Variants in AGBL4 observed in about 807,000 individuals in gnomAD.
The protein encoded by AGBL4 is AGBL carboxypeptidase 4.
Under a neutral mutation model 66.4 loss-of-function variants are expected in AGBL4, and 58 were observed. The observed-to-expected ratio is 0.87, with a 90% CI of 0.71 to 1.09. The LOEUF (loss-of-function observed/expected upper bound fraction) is 1.09. Among genes scored for constraint, AGBL4 ranks in the 50% least tolerant of loss-of-function variants. The pLI, the probability that AGBL4 is intolerant of heterozygous loss-of-function variation, is 0.00. For missense variants in AGBL4, 579 were observed against 631.0 expected (o/e 0.92, Z 0.88); for synonymous variants, 234 against 222.9 (o/e 1.05, Z -0.44).
intron 2 of AGBL4, among the ~76,000 whole-genome samples, chr1:49,831,957 C>T (rs1645694931): frequency 6.6e-6 from 1 of 151,628 alleles, no homozygotes; most frequent in South Asian, 2.1e-4. Flanking sequence ...AGGGATGAAG[C>T]TGACTAGATC....
At chr1:49,118,728 G>T (rs1645586125) in intron 4 of AGBL4, among the ~76,000 whole-genome samples, 1 of 152,164 alleles carries the variant, frequency 6.6e-6, no homozygotes, top group South Asian at 2.1e-4. Context: ...AGTTAGGGAG[G>T]ATTCCCTCTT....
chr1:49,003,781 C>G (rs1295300528), intron 5 of AGBL4, among the ~76,000 whole-genome samples: 2 of 152,168 alleles, frequency 1.3e-5, no homozygotes, highest in Non-Finnish European at 2.9e-5. Flanking sequence ...TATTTAGATA[C>G]TAGTTCTGTT....
intron 3 of AGBL4, among the ~76,000 whole-genome samples, chr1:49,335,555 G>A (rs1411065994): frequency 1.3e-5 from 2 of 150,088 alleles, no homozygotes; most frequent in Non-Finnish European, 3.0e-5. Context: ...TCGCTCTGTT[G>A]CCCAGCCTGG....
chr1:49,692,650 G>A (rs1479060848), intron 3 of AGBL4, among the ~76,000 whole-genome samples: 3 of 151,626 alleles, frequency 2.0e-5, no homozygotes, highest in Non-Finnish European at 4.4e-5. Context: ...ACTGGGAGGC[G>A]GAGCTTGCAG....
intron 4 of AGBL4, among the ~76,000 whole-genome samples, chr1:49,113,617 C>G (rs1645458059): frequency 6.6e-6 from 1 of 152,160 alleles, no homozygotes; most frequent in South Asian, 2.1e-4. Flanking sequence ...TTTACTTTAC[C>G]TAGACCCATC....
intron 3 of AGBL4, among the ~76,000 whole-genome samples, chr1:49,448,195 A>G (rs879361392): frequency 2.0e-5 from 3 of 152,218 alleles, no homozygotes; most frequent in Non-Finnish European, 4.4e-5. Flanking sequence ...CATATGACAG[A>G]AAGCCAACTA....
chr1:49,457,823 TC>T (rs1173762822), intron 3 of AGBL4, among the ~76,000 whole-genome samples: 1 of 151,814 alleles, frequency 6.6e-6, no homozygotes, highest in Non-Finnish European at 1.5e-5. Flanking sequence ...GGGTGTCCTT[TC>T]CCCACTTTAT....
chr1:48,552,104 C>A (rs549022666), intron 11 of AGBL4, among the ~76,000 whole-genome samples: 2 of 152,294 alleles, frequency 1.3e-5, no homozygotes, highest in South Asian at 4.2e-4. Context: ...TGCTCTGTCG[C>A]TCAGGCTGGA....
intron 1 of AGBL4, among the ~76,000 whole-genome samples, chr1:49,935,602 G>A (rs1653907563): frequency 6.6e-6 from 1 of 152,176 alleles, no homozygotes; most frequent in African/African-American, 2.4e-5. Flanking sequence ...GGGGCAGACT[G>A]ACACCTCACA....
intron 1 of AGBL4, among the ~76,000 whole-genome samples, chr1:49,953,704 A>G (rs926885699): frequency 1.3e-5 from 2 of 149,894 alleles, no homozygotes; most frequent in Admixed American, 1.3e-4. Context: ...CCAAACTCCA[A>G]AAAAAAAAAT....
At position 49,818,722 on chromosome 1, in the gene AGBL4, T is replaced by C. The variant is rs140305370; in HGVS notation, c.157+32674A>G. 1.3e-3 allele frequency among the ~76,000 whole-genome samples: 191 copies of C among 152,268 alleles called. 2 individuals carry two copies. The Middle Eastern group carries it at 0.017, about 14-fold the overall frequency. On this transcript the variant is annotated intron_variant, in intron 2 of 13. Transcript: ENST00000371839. ...ATATGGTCTGTGTGTGATATACATA[T>C]AAATCATCCAATCCCCAAAACACAG...
intron 4 of AGBL4, among the ~76,000 whole-genome samples, chr1:49,195,068 C>T (rs1457185773): frequency 1.3e-5 from 2 of 151,988 alleles, no homozygotes; most frequent in Non-Finnish European, 2.9e-5. Flanking sequence ...TATTGAATTC[C>T]TAGCTTCAAG....
intron 3 of AGBL4, among the ~76,000 whole-genome samples, chr1:49,559,634 C>T (rs1643986028): frequency 6.6e-6 from 1 of 152,116 alleles, no homozygotes; most frequent in Admixed American, 6.5e-5. Flanking sequence ...TGACTTTGAT[C>T]CTTCTACTGT....
intron 5 of AGBL4, among the ~76,000 whole-genome samples, chr1:48,942,313 G>T (rs56340330): frequency 0.26 from 19,995 of 76,346 alleles, 2,147 homozygotes; most frequent in African/African-American, 0.33. Context: ...ATTGTGGTGG[G>T]GGGGGGGGGT....
chr1:49,284,958 G>C (rs1644368871), intron 3 of AGBL4, among the ~76,000 whole-genome samples: 1 of 150,326 alleles, frequency 6.7e-6, no homozygotes, highest in Non-Finnish European at 1.5e-5. Context: ...ACATTAGACA[G>C]ATCAACGAGA....
chr1:49,014,203 T>G (rs1249829350), intron 5 of AGBL4, among the ~76,000 whole-genome samples: 1 of 152,158 alleles, frequency 6.6e-6, no homozygotes, highest in Non-Finnish European at 1.5e-5. Flanking sequence ...TCAACTAAGG[T>G]TACTCCATTT....
At chr1:49,657,034 G>C (rs1242914337) in intron 3 of AGBL4, among the ~76,000 whole-genome samples, 1 of 152,106 alleles carries the variant, frequency 6.6e-6, no homozygotes, top group Non-Finnish European at 1.5e-5. Context: ...AAGAAATAAA[G>C]GGTATTCAAT....
At chr1:49,128,869 G>T (rs1313217860) in intron 4 of AGBL4, among the ~76,000 whole-genome samples, 2 of 150,954 alleles carry the variant, frequency 1.3e-5, no homozygotes, top group African/African-American at 2.4e-5. Context: ...TGATAAAAAT[G>T]GACTATATAA....
At chr1:49,539,814 G>A (rs1378685810) in intron 3 of AGBL4, among the ~76,000 whole-genome samples, 1 of 152,180 alleles carries the variant, frequency 6.6e-6, no homozygotes, top group Admixed American at 6.5e-5. Flanking sequence ...GGAAAGATGA[G>A]GTGGAACCTG....
Sources: allele counts gnomAD v4.1 joint callset (sites outside exome capture counted in the v4.1 genomes callset), GRCh38; gene constraint gnomAD v4.1.1; transcripts MANE v1.5; gene names NCBI Gene and HGNC (gene_info 2026-07-23, HGNC 2026-07-21).